Variants in GPC5 observed in about 807,000 individuals in gnomAD.
GPC5 encodes glypican 5.
In GPC5, 47 loss-of-function variants were observed where a neutral mutation model predicts 53.9. That is an observed-to-expected ratio of 0.87 (90% CI 0.69 to 1.11). GPC5 has a LOEUF of 1.11. Among genes scored for constraint, GPC5 ranks in the 50% most tolerant of loss-of-function variants. The pLI, the probability that GPC5 is intolerant of heterozygous loss-of-function variation, is 0.00. For synonymous variants in GPC5, 286 were observed against 263.3 expected, an observed-to-expected ratio of 1.09 and a Z score of -0.84; for missense variants, 748 against 713.1, an observed-to-expected ratio of 1.05 and a Z score of -0.56.
At chr13:91,489,092 A>G (rs1213778992) in intron 2 of GPC5, among the ~76,000 whole-genome samples, 2 of 152,210 alleles carry the variant, frequency 1.3e-5, no homozygotes, top group African/African-American at 4.8e-5. Flanking sequence ...ATGAGATGTT[A>G]TCAATGACAA....
At chr13:91,525,882 A>G (rs928043397) in intron 2 of GPC5, among the ~76,000 whole-genome samples, 4 of 152,230 alleles carry the variant, frequency 2.6e-5, no homozygotes, top group Admixed American at 6.5e-5. Flanking sequence ...TTTTATTACA[A>G]AAATGATCCT....
chr13:92,777,419 G>A (rs1875855533), intron 7 of GPC5, among the ~76,000 whole-genome samples: 1 of 151,580 alleles, frequency 6.6e-6, no homozygotes, highest in Admixed American at 6.6e-5. Context: ...CAGATCACGA[G>A]GTCAAGAGAT....
chr13:92,412,160 A>G (rs1219604464), intron 7 of GPC5, among the ~76,000 whole-genome samples: 2 of 152,214 alleles, frequency 1.3e-5, no homozygotes, highest in Non-Finnish European at 2.9e-5. Context: ...GAATAGTTGA[A>G]AAAACTCTTA....
At chr13:92,368,842 C>T (rs1202607099) in intron 7 of GPC5, among the ~76,000 whole-genome samples, 1 of 152,038 alleles carries the variant, frequency 6.6e-6, no homozygotes. Flanking sequence ...TGAAGCCGGG[C>T]ATATGCATTT....
At chr13:91,514,927 A>G (rs200632684) in intron 2 of GPC5, among the ~76,000 whole-genome samples, 1 of 152,232 alleles carries the variant, frequency 6.6e-6, no homozygotes, top group East Asian at 1.9e-4. Context: ...ACTAAAGAAT[A>G]CTTTATATCT....
At position 91,542,121 on chromosome 13, in the gene GPC5, A is replaced by C. The variant is rs2029978993; in HGVS notation, c.325+93199A>C. Among the ~76,000 whole-genome samples, 2 of 151,982 alleles carry C rather than the reference A, an allele frequency of 1.3e-5. 1 individual carries two copies. The highest frequency in any genetic ancestry group is 4.1e-4 in the South Asian group (2 of 4,830). ...TTTCATCATAGGACATTCTTTCAGT[A>C]TATTGTTGAGAAAATGTTCCATCTA... On this transcript the variant is annotated intron_variant, in intron 2 of 7. Coordinates refer to ENST00000377067, the MANE Select transcript of GPC5 (RefSeq NM_004466.6).
At chr13:91,825,214 TG>T (rs2038558292) in intron 5 of GPC5, among the ~76,000 whole-genome samples, 1 of 151,922 alleles carries the variant, frequency 6.6e-6, no homozygotes, top group Non-Finnish European at 1.5e-5. Flanking sequence ...GAGTATGACA[TG>T]GCTATAATTG....
chr13:91,451,467 G>T (rs567162684), intron 2 of GPC5, among the ~76,000 whole-genome samples: 1 of 152,220 alleles, frequency 6.6e-6, no homozygotes, highest in South Asian at 2.1e-4. Context: ...GGTTAAAAAT[G>T]CATGAGGGAG....
At chr13:91,904,021 C>G (rs914748494) in intron 5 of GPC5, among the ~76,000 whole-genome samples, 7 of 151,962 alleles carry the variant, frequency 4.6e-5, no homozygotes, top group African/African-American at 9.7e-5. Context: ...GGCAAACCTA[C>G]AGTCTGCTAG....
chr13:91,631,444 G>A (rs1422725134), intron 2 of GPC5, among the ~76,000 whole-genome samples: 1 of 151,976 alleles, frequency 6.6e-6, no homozygotes, highest in Non-Finnish European at 1.5e-5. Context: ...AACTACATAG[G>A]GAGGCAGAAC....
At chr13:92,612,562 A>G (rs1884473336) in intron 7 of GPC5, among the ~76,000 whole-genome samples, 1 of 152,104 alleles carries the variant, frequency 6.6e-6, no homozygotes, top group East Asian at 1.9e-4. Context: ...ACATTTCCAC[A>G]GTTAGTGTTA....
chr13:91,563,574 A>T (rs1279002136), intron 2 of GPC5, among the ~76,000 whole-genome samples: 2 of 152,206 alleles, frequency 1.3e-5, no homozygotes, highest in East Asian at 3.8e-4. Flanking sequence ...CTATGTTATA[A>T]ATAGAACGAC....
intron 7 of GPC5, among the ~76,000 whole-genome samples, chr13:92,512,725 T>A (rs1880620120): frequency 6.6e-6 from 1 of 152,200 alleles, no homozygotes; most frequent in Admixed American, 6.5e-5. Flanking sequence ...ATATAGTCAA[T>A]CATCTGAAAT....
intron 6 of GPC5, among the ~76,000 whole-genome samples, chr13:92,104,376 A>C (rs1397128454): frequency 6.6e-6 from 1 of 152,154 alleles, no homozygotes; most frequent in African/African-American, 2.4e-5. Context: ...AGAGTTCTAA[A>C]ACTTAATTTT....
intron 2 of GPC5, among the ~76,000 whole-genome samples, chr13:91,535,948 T>C (rs950085963): frequency 6.6e-6 from 1 of 152,230 alleles, no homozygotes; most frequent in Non-Finnish European, 1.5e-5. Flanking sequence ...TAGCTAATGC[T>C]ATTTTCTTGA....
chr13:92,069,284 GTT>G (rs891232870), intron 6 of GPC5, among the ~76,000 whole-genome samples: 7 of 152,002 alleles, frequency 4.6e-5, no homozygotes, highest in African/African-American at 1.7e-4. Flanking sequence ...AAAATTTTCT[GTT>G]TCAAGATTAT....
intron 3 of GPC5, among the ~76,000 whole-genome samples, chr13:91,719,953 T>C (rs549865211): frequency 4.3e-4 from 66 of 152,322 alleles, no homozygotes; most frequent in South Asian, 2.1e-3. Flanking sequence ...GCATGTCAAA[T>C]TCAGGTTATA....
chr13:92,411,172 A>G (rs1013993960), intron 7 of GPC5, among the ~76,000 whole-genome samples: 5 of 152,188 alleles, frequency 3.3e-5, no homozygotes, highest in Admixed American at 2.0e-4. Context: ...CGGGAGGCTG[A>G]GGCAAGAGAA....
chr13:92,062,605 T>A (rs899904222), intron 6 of GPC5, among the ~76,000 whole-genome samples: 1 of 152,050 alleles, frequency 6.6e-6, no homozygotes, highest in East Asian at 1.9e-4. Flanking sequence ...TGAACATTAA[T>A]TGAATATGCA....
Sources: gnomAD v4.1 joint callset for allele counts (sites outside exome capture counted in the v4.1 genomes callset) on GRCh38, gnomAD v4.1.1 for gene constraint, MANE v1.5 for transcripts, NCBI Gene and HGNC (gene_info 2026-07-23, HGNC 2026-07-21) for gene names.